The following XKR6 variants were observed in gnomAD, a reference collection of about 807,000 sequenced individuals.
The protein encoded by XKR6 is XK-related protein 6.
A neutral mutation model predicts 56.7 loss-of-function variants in XKR6; 22 were observed. The ratio of observed to expected loss-of-function variants is 0.39; its 90% CI spans 0.28 to 0.55. The LOEUF (loss-of-function observed/expected upper bound fraction) is 0.55. Among genes scored for constraint, XKR6 ranks in the 20% least tolerant of loss-of-function variants. The probability of loss-of-function intolerance (pLI) is 0.66; values close to 1 mark genes in which losing one functional copy is unlikely to be tolerated. For synonymous variants in XKR6, 524 were observed against 387.8 expected (o/e 1.35, Z -4.13); for missense variants, 852 against 889.0 (o/e 0.96, Z 0.53).
chr8:10,976,467 A>G (rs1464273480), intron 1 of XKR6, among the ~76,000 whole-genome samples: 1 of 152,152 alleles, frequency 6.6e-6, no homozygotes, highest in Admixed American at 6.5e-5. Context: ...CCTGAGAACC[A>G]GATACGCCTG....
At chr8:11,148,794 A>T (rs534067841) in intron 1 of XKR6, among the ~76,000 whole-genome samples, 14 of 152,362 alleles carry the variant, frequency 9.2e-5, no homozygotes, top group African/African-American at 3.4e-4. Context: ...TTAGCAGATG[A>T]ATGGACAAAC....
chr8:11,060,833 C>A lies in XKR6; in HGVS notation c.765-136003G>T, dbSNP rs571736242. Among the ~76,000 whole-genome samples the A allele has an allele frequency of 2.6e-5, 4 of 152,350 alleles. No homozygotes were observed. In the East Asian group the frequency reaches 5.8e-4, roughly 22 times the overall value. ...AACAAGTCTCGTAGATGAGGAGAGACAAAATAATTCCAGTGATAGCAAGTG... is the reference window on the plus strand; with the variant it reads ...AACAAGTCTCGTAGATGAGGAGAGAAAAAATAATTCCAGTGATAGCAAGTG... On this transcript the variant is annotated intron_variant, in intron 1 of 2. Transcript: ENST00000416569.
chr8:11,153,906 C>T (rs945755042), intron 1 of XKR6, among the ~76,000 whole-genome samples: 17 of 152,304 alleles, frequency 1.1e-4, no homozygotes, highest in African/African-American at 3.8e-4. Context: ...AGGGGTGAAA[C>T]GAATATTCCC....
chr8:11,120,658 A>G (rs1445278055), intron 1 of XKR6, among the ~76,000 whole-genome samples: 1 of 152,144 alleles, frequency 6.6e-6, no homozygotes, highest in East Asian at 1.9e-4. Context: ...GCTACCAATG[A>G]CTTTCTTCAC....
intron 1 of XKR6, among the ~76,000 whole-genome samples, chr8:10,973,995 G>C (rs1348282026): frequency 1.3e-5 from 2 of 152,106 alleles, no homozygotes; most frequent in African/African-American, 4.8e-5. Context: ...TTTTAAGTGG[G>C]AAATTAAAGT....
rs374018614 is a variant in XKR6 at position 10,946,595 on chromosome 8, G to A, written c.765-21765C>T. Among the ~76,000 whole-genome samples, 396 of 152,088 alleles carry A rather than the reference G, an allele frequency of 2.6e-3. 3 individuals carry two copies. The highest frequency in any genetic ancestry group is 8.3e-3 in the African/African-American group (344 of 41,482). ...GGCTATGCTGTCCCACAATCTGCCC[G>A]AAACATGCCCCTTTATGACATTCCT... On this transcript the variant is annotated intron_variant, in intron 1 of 2. Transcript: ENST00000416569.
At chr8:10,958,423 C>T (rs1249321669) in intron 1 of XKR6, among the ~76,000 whole-genome samples, 3 of 152,194 alleles carry the variant, frequency 2.0e-5, no homozygotes, top group South Asian at 2.1e-4. Flanking sequence ...AATGGGCTGC[C>T]CAGTTGGTGC....
At chr8:11,136,636 T>A (rs957099323) in intron 1 of XKR6, among the ~76,000 whole-genome samples, 1 of 152,026 alleles carries the variant, frequency 6.6e-6, no homozygotes, top group Admixed American at 6.6e-5. Context: ...TAGTACCCTA[T>A]CAGTAGAGAC....
intron 1 of XKR6, among the ~76,000 whole-genome samples, chr8:10,995,036 T>G (rs1798078562): frequency 6.6e-6 from 1 of 152,208 alleles, no homozygotes; most frequent in East Asian, 1.9e-4. Context: ...GGCCTCCTTG[T>G]ACGAACAGCA....
chr8:11,095,565 C>T (rs554954688), intron 1 of XKR6, among the ~76,000 whole-genome samples: 45 of 152,332 alleles, frequency 3.0e-4, no homozygotes, highest in African/African-American at 1.1e-3. Flanking sequence ...GCTAGAATGA[C>T]AGCCTGATTC....
At chr8:10,929,864 C>G (rs554890238) in intron 1 of XKR6, among the ~76,000 whole-genome samples, 8 of 152,314 alleles carry the variant, frequency 5.3e-5, no homozygotes, top group Admixed American at 1.3e-4. Context: ...GCCCACTCTG[C>G]TTATATCTTT....
At chr8:11,104,679 T>C (rs1312520255) in intron 1 of XKR6, 1 of 152,254 alleles carries the variant, frequency 6.6e-6, no homozygotes, top group Non-Finnish European at 1.5e-5. Flanking sequence ...ATACCAGTTA[T>C]AACCATTGCA....
At chr8:11,121,125 G>C (rs149876682) in intron 1 of XKR6, among the ~76,000 whole-genome samples, 1 of 152,164 alleles carries the variant, frequency 6.6e-6, no homozygotes, top group African/African-American at 2.4e-5. Context: ...ACATAGGCAT[G>C]GGTGAGGACT....
chr8:10,987,437 C>A (rs1256170790), intron 1 of XKR6, among the ~76,000 whole-genome samples: 4 of 152,218 alleles, frequency 2.6e-5, no homozygotes. Context: ...CTCTCACACA[C>A]CCCATATCCA....
At chr8:11,048,279 G>A (rs1300350175) in intron 1 of XKR6, among the ~76,000 whole-genome samples, 1 of 152,020 alleles carries the variant, frequency 6.6e-6, no homozygotes, top group Non-Finnish European at 1.5e-5. Context: ...AACATTCTTT[G>A]CCTGCAGTTC....
Position 11,166,855 on chromosome 8 carries a change from G to A in XKR6, c.764+33721C>T, listed in dbSNP as rs192527776. 1.5e-3 allele frequency among the ~76,000 whole-genome samples: 226 copies of A among 152,312 alleles called. 2 individuals carry two copies. The Middle Eastern group carries it at 0.02, about 14-fold the overall frequency. On this transcript the variant is annotated intron_variant, in intron 1 of 2. Coordinates refer to ENST00000416569, the MANE Select transcript of XKR6 (RefSeq NM_173683.4). Reference sequence around the variant, plus strand: ...CTCAAAAACTGCTGAGATTACAGGCGTGAGCCACCGCACCCGGCTTAACCT... The same window carrying A: ...CTCAAAAACTGCTGAGATTACAGGCATGAGCCACCGCACCCGGCTTAACCT...
At chr8:11,182,782 T>C (rs1332587875) in intron 1 of XKR6, among the ~76,000 whole-genome samples, 2 of 152,232 alleles carry the variant, frequency 1.3e-5, no homozygotes, top group Non-Finnish European at 2.9e-5. Context: ...TTCAGTGGCA[T>C]TAAATACATT....
intron 1 of XKR6, among the ~76,000 whole-genome samples, chr8:11,009,535 A>C (rs1563343671): frequency 6.6e-6 from 1 of 152,208 alleles, no homozygotes; most frequent in Admixed American, 6.5e-5. Flanking sequence ...ACAACCAAAA[A>C]ATAGTTATAG....
chr8:10,905,043 C>G (rs943379256), intron 2 of XKR6, among the ~76,000 whole-genome samples: 21 of 152,202 alleles, frequency 1.4e-4, no homozygotes, highest in African/African-American at 5.1e-4. Flanking sequence ...AGCTTCCTGA[C>G]TCTTTCCTCC....
Sources: allele counts gnomAD v4.1 joint callset (sites outside exome capture counted in the v4.1 genomes callset), GRCh38; gene constraint gnomAD v4.1.1; transcripts MANE v1.5; gene names NCBI Gene and HGNC (gene_info 2026-07-23, HGNC 2026-07-21).